Variants in NR6A1 observed in about 807,000 individuals in gnomAD.
NR6A1 encodes retinoic acid receptor-related testis-associated receptor.
NR6A1 carries 7 observed loss-of-function variants against 59.1 expected under a neutral mutation model. The observed-to-expected ratio is 0.12, with a 90% CI of 0.07 to 0.22. NR6A1 has a LOEUF of 0.22. Among genes scored for constraint, NR6A1 ranks in the 10% least tolerant of loss-of-function variants. NR6A1 has a pLI of 1.00. For synonymous variants in NR6A1, 243 were observed against 236.1 expected (o/e 1.03, Z -0.27); for missense variants, 468 against 611.6 (o/e 0.77, Z 2.48).
Position 124,759,814 on chromosome 9 carries a change from G to A in NR6A1, c.100+11206C>T, listed in dbSNP as rs533320595. Among the ~76,000 whole-genome samples the A allele has an allele frequency of 2.0e-5, 3 of 152,256 alleles. No individual in the cohort carries two copies. In the South Asian group the frequency reaches 6.2e-4, roughly 32 times the overall value. Reference sequence around the variant, plus strand: ...CCCAGCACTTTGGGAGGCCAAGGCGGGTGGATCATGAGATCAGGAGTTCGA... The same window carrying A: ...CCCAGCACTTTGGGAGGCCAAGGCGAGTGGATCATGAGATCAGGAGTTCGA... On this transcript the variant is annotated intron_variant, in intron 1 of 9. Coordinates refer to ENST00000487099, the MANE Select transcript of NR6A1 (RefSeq NM_033334.4).
intron 2 of NR6A1, among the ~76,000 whole-genome samples, chr9:124,563,992 C>T (rs920669031): frequency 2.0e-5 from 3 of 152,086 alleles, no homozygotes; most frequent in Non-Finnish European, 2.9e-5. Flanking sequence ...GTGGGAGAAT[C>T]CCTTGAGCCC....
intron 2 of NR6A1, among the ~76,000 whole-genome samples, chr9:124,725,382 T>G (rs1839683117): frequency 1.3e-5 from 2 of 149,254 alleles, no homozygotes; most frequent in African/African-American, 5.0e-5. Flanking sequence ...TTTATCACAC[T>G]AAAGGTATTT....
At chr9:124,675,165 A>C (rs1446889193) in intron 2 of NR6A1, among the ~76,000 whole-genome samples, 3 of 152,244 alleles carry the variant, frequency 2.0e-5, no homozygotes, top group African/African-American at 7.2e-5. Context: ...CATTCTTTAG[A>C]ACTGAAAGGA....
intron 2 of NR6A1, among the ~76,000 whole-genome samples, chr9:124,574,873 G>C (rs1267874305): frequency 6.6e-6 from 1 of 152,168 alleles, no homozygotes; most frequent in Admixed American, 6.5e-5. Flanking sequence ...CGGGTATAAA[G>C]TATACACTCT....
intron 2 of NR6A1, among the ~76,000 whole-genome samples, chr9:124,663,315 G>A (rs1465704473): frequency 6.6e-6 from 1 of 152,144 alleles, no homozygotes; most frequent in Non-Finnish European, 1.5e-5. Flanking sequence ...AATTGGACGT[G>A]ATAAACATGC....
chr9:124,682,897 T>C (rs1312973817), intron 2 of NR6A1, among the ~76,000 whole-genome samples: 1 of 152,148 alleles, frequency 6.6e-6, no homozygotes, highest in Non-Finnish European at 1.5e-5. Context: ...TGAAGTAACA[T>C]ATAGCACAGT....
rs567010896 is a variant in NR6A1, at chr9:124,717,236, G to A, written c.142+16072C>T. ...ATACCATATCACCCAGTAATTCCTA[G>A]ATGTATGACTAAGAGAAATAAAAAC... is the stretch of plus-strand genomic sequence containing the variant. On this transcript the variant is annotated intron_variant, in intron 2 of 9. Coordinates refer to ENST00000487099, the MANE Select transcript of NR6A1 (RefSeq NM_033334.4). 3.9e-4 allele frequency among the ~76,000 whole-genome samples: 60 copies of A among 152,258 alleles called. 1 individual carries two copies. The highest frequency in any genetic ancestry group is 1.4e-3 in the African/African-American group (59 of 41,542).
chr9:124,642,123 A>T (rs1223621422), intron 2 of NR6A1, among the ~76,000 whole-genome samples: 2 of 151,982 alleles, frequency 1.3e-5, no homozygotes, highest in Non-Finnish European at 2.9e-5. Flanking sequence ...ATCTCAGCTC[A>T]CTGCAACCTC....
At chr9:124,677,348 T>C (rs1456715736) in intron 2 of NR6A1, among the ~76,000 whole-genome samples, 4 of 152,202 alleles carry the variant, frequency 2.6e-5, no homozygotes, top group African/African-American at 9.6e-5. Flanking sequence ...AGCCTCAACC[T>C]CTCATGTTCA....
intron 2 of NR6A1, among the ~76,000 whole-genome samples, chr9:124,700,717 C>T (rs1202486833): frequency 1.4e-5 from 2 of 143,976 alleles, no homozygotes; most frequent in African/African-American, 5.1e-5. Context: ...TATTAATGAA[C>T]ATTTATAATA....
At chr9:124,681,338 C>CTTTTTT (rs779847656) in intron 2 of NR6A1, among the ~76,000 whole-genome samples, 19 of 110,774 alleles carry the variant, frequency 1.7e-4, no homozygotes, top group Non-Finnish European at 2.1e-4. Context: ...AACATTTGAG[C>CTTTTTT]TTTTTTTTTT....
intron 2 of NR6A1, among the ~76,000 whole-genome samples, chr9:124,646,569 C>T (rs1281391257): frequency 6.6e-6 from 1 of 152,070 alleles, no homozygotes; most frequent in Admixed American, 6.6e-5. Flanking sequence ...CAGAGGTGTC[C>T]AATCTTTAAG....
intron 2 of NR6A1, among the ~76,000 whole-genome samples, chr9:124,613,808 T>A (rs916234278): frequency 6.6e-6 from 1 of 152,196 alleles, no homozygotes; most frequent in African/African-American, 2.4e-5. Flanking sequence ...ATGAAAAGAA[T>A]CAGTTTGATC....
At chr9:124,617,105 G>A (rs1835917455) in intron 2 of NR6A1, among the ~76,000 whole-genome samples, 1 of 152,216 alleles carries the variant, frequency 6.6e-6, no homozygotes, top group Admixed American at 6.5e-5. Flanking sequence ...TGGGTAAGGA[G>A]ATTAGAAACC....
chr9:124,572,343 T>C (rs1425872863), intron 2 of NR6A1, among the ~76,000 whole-genome samples: 1 of 152,262 alleles, frequency 6.6e-6, no homozygotes, highest in Non-Finnish European at 1.5e-5. Context: ...ATGGCAATCA[T>C]ACTAATCTTG....
At chr9:124,582,209 G>A (rs1254077658) in intron 2 of NR6A1, among the ~76,000 whole-genome samples, 1 of 152,182 alleles carries the variant, frequency 6.6e-6, no homozygotes, top group Non-Finnish European at 1.5e-5. Flanking sequence ...TAAAGAAAAT[G>A]TGATACATAT....
At chr9:124,594,817 T>A (rs1211311129) in intron 2 of NR6A1, among the ~76,000 whole-genome samples, 1 of 152,174 alleles carries the variant, frequency 6.6e-6, no homozygotes. Context: ...AGAGTGAGAA[T>A]GAAACTGCAA....
intron 2 of NR6A1, among the ~76,000 whole-genome samples, chr9:124,617,799 G>A (rs1005646700): frequency 3.3e-5 from 5 of 152,122 alleles, no homozygotes; most frequent in Non-Finnish European, 7.4e-5. Flanking sequence ...CAAAATTTGG[G>A]AGGTATGGCA....
In NR6A1 at chr9:124,521,851, A is replaced by G. The variant is rs1229038886; in HGVS notation, c.*854T>C. 6.6e-6 allele frequency: 1 copy of G among 152,282 alleles called. No homozygotes were observed. Among genetic ancestry groups the G allele is most frequent in the Non-Finnish European group, 1.5e-5 (1 of 68,090 alleles). The allele number at this position is 152,282 out of a possible 1,614,324, so 9.4% of individuals were successfully genotyped here. Reference sequence around the variant, plus strand: ...AAGGTGGGCCTCAGGAGATCCAGGTAAGGAAACTAGGTAGCTGGGGGCCCC... The same window carrying G: ...AAGGTGGGCCTCAGGAGATCCAGGTGAGGAAACTAGGTAGCTGGGGGCCCC... On this transcript the variant is annotated 3_prime_UTR_variant, in exon 10 of 10. Transcript: ENST00000487099.
Sources: allele counts gnomAD v4.1 joint callset (sites outside exome capture counted in the v4.1 genomes callset), GRCh38; gene constraint gnomAD v4.1.1; transcripts MANE v1.5; gene names NCBI Gene and HGNC (gene_info 2026-07-23, HGNC 2026-07-21).